The following SYT9 variants were observed in gnomAD, a reference collection of about 807,000 sequenced individuals.
The protein encoded by SYT9 is synaptotagmin 9.
A neutral mutation model predicts 48.4 loss-of-function variants in SYT9; 22 were observed. The ratio of observed to expected loss-of-function variants is 0.45; its 90% CI spans 0.32 to 0.65. SYT9 has a LOEUF of 0.65. Ranked by LOEUF, SYT9 falls within the 30% of genes least tolerant of loss-of-function variation. The probability of loss-of-function intolerance (pLI) is 0.03; values close to 1 mark genes in which losing one functional copy is unlikely to be tolerated. For missense variants in SYT9, 577 were observed against 622.0 expected (o/e 0.93, Z 0.77); for synonymous variants, 265 against 245.0 (o/e 1.08, Z -0.76).
intron 1 of SYT9, among the ~76,000 whole-genome samples, chr11:7,268,189 G>C (rs1006251655): frequency 6.6e-6 from 1 of 151,922 alleles, no homozygotes; most frequent in African/African-American, 2.4e-5. Flanking sequence ...TGCAACAAAA[G>C]TTTTCAGTGA....
chr11:7,458,790 G>T (rs906715529), intron 6 of SYT9, among the ~76,000 whole-genome samples: 1 of 152,192 alleles, frequency 6.6e-6, no homozygotes, highest in African/African-American at 2.4e-5. Flanking sequence ...AGATCAGAAA[G>T]GTAACAGCGG....
chr11:7,314,911 C>G (rs1849212335), intron 3 of SYT9, among the ~76,000 whole-genome samples: 1 of 152,138 alleles, frequency 6.6e-6, no homozygotes, highest in African/African-American at 2.4e-5. Context: ...GAGTCTGGAG[C>G]CTATTTAGTG....
intron 1 of SYT9, among the ~76,000 whole-genome samples, chr11:7,291,152 G>A (rs1054205555): frequency 3.3e-5 from 5 of 152,164 alleles, no homozygotes; most frequent in African/African-American, 4.8e-5. Context: ...GCCTCCTTTT[G>A]GTTGAACTCA....
intron 1 of SYT9, among the ~76,000 whole-genome samples, chr11:7,273,958 T>A (rs1477428263): frequency 2.0e-5 from 3 of 152,246 alleles, no homozygotes; most frequent in Non-Finnish European, 4.4e-5. Context: ...TATGTAGGGC[T>A]TAAAACCTAG....
intron 3 of SYT9, among the ~76,000 whole-genome samples, chr11:7,394,047 G>T (rs2134064935): frequency 6.6e-6 from 1 of 151,122 alleles, no homozygotes; most frequent in East Asian, 2.0e-4. Flanking sequence ...TGCCATGTTT[G>T]TGTGCTGCAC....
In SYT9 at chr11:7,418,921, AT is replaced by A. The variant is rs1244898747; in HGVS notation, c.1337+794del. On this transcript the variant is annotated intron_variant, in intron 5 of 6. Coordinates refer to ENST00000318881, the MANE Select transcript of SYT9 (RefSeq NM_175733.4). ...GGTCTGGACACAATTATTAAAAAAA[AT>A]ATTCTGACTTCTAATATTATTTGTG... is the stretch of plus-strand genomic sequence containing the variant. Among the ~76,000 whole-genome samples the A allele has an allele frequency of 5.3e-5, 8 of 152,202 alleles. No individual in the cohort carries two copies. In the East Asian group the frequency reaches 1.2e-3, roughly 22 times the overall value.
chr11:7,355,539 T>A (rs1385140595), intron 3 of SYT9, among the ~76,000 whole-genome samples: 1 of 152,212 alleles, frequency 6.6e-6, no homozygotes, highest in African/African-American at 2.4e-5. Flanking sequence ...AACAAAAGCA[T>A]GTATGTGATG....
intron 1 of SYT9, among the ~76,000 whole-genome samples, chr11:7,292,635 T>C (rs1487875): frequency 0.61 from 92,315 of 152,108 alleles, 28,525 homozygotes; most frequent in African/African-American, 0.73. Flanking sequence ...CCTACATGTT[T>C]TTGAGTTTCG....
chr11:7,288,757 G>A (rs1015877355), intron 1 of SYT9, among the ~76,000 whole-genome samples: 1 of 152,124 alleles, frequency 6.6e-6, no homozygotes, highest in Non-Finnish European at 1.5e-5. Flanking sequence ...GCTAACCTCT[G>A]TTCTGTCCAT....
chr11:7,257,611 G>C (rs1291173265), intron 1 of SYT9, among the ~76,000 whole-genome samples: 1 of 152,084 alleles, frequency 6.6e-6, no homozygotes, highest in Non-Finnish European at 1.5e-5. Flanking sequence ...AGTCAAAAGA[G>C]AATCAGTCTT....
At chr11:7,365,821 C>T (rs1292219049) in intron 3 of SYT9, among the ~76,000 whole-genome samples, 3 of 152,146 alleles carry the variant, frequency 2.0e-5, no homozygotes, top group South Asian at 2.1e-4. Flanking sequence ...AGGATCGGGT[C>T]GTATTTACTG....
intron 1 of SYT9, among the ~76,000 whole-genome samples, chr11:7,255,386 A>G (rs1294055658): frequency 2.9e-5 from 1 of 34,696 alleles, no homozygotes; most frequent in East Asian, 7.6e-4. Flanking sequence ...AAACCATTAT[A>G]AAGACTTTGG....
At chr11:7,461,694 C>T (rs1252214316) in intron 6 of SYT9, among the ~76,000 whole-genome samples, 28 of 152,184 alleles carry the variant, frequency 1.8e-4, no homozygotes, top group Admixed American at 1.8e-3. Flanking sequence ...TCTTAGGGCT[C>T]AGCACAAATG....
chr11:7,272,607 A>G (rs1472279599), intron 1 of SYT9, among the ~76,000 whole-genome samples: 1 of 152,212 alleles, frequency 6.6e-6, no homozygotes, highest in Non-Finnish European at 1.5e-5. Flanking sequence ...TGAAAAAGAA[A>G]GACATGATCC....
At chr11:7,418,260 G>C in intron 5 of SYT9, 132 bp downstream of exon 5, 1 of 962,034 alleles carries the variant, frequency 1.0e-6, no homozygotes, top group South Asian at 1.6e-5. Context: ...AGCAGTGCAT[G>C]GGAAGCACAT....
At chr11:7,329,608 T>C (rs1849493145) in intron 3 of SYT9, among the ~76,000 whole-genome samples, 1 of 152,172 alleles carries the variant, frequency 6.6e-6, no homozygotes, top group Non-Finnish European at 1.5e-5. Context: ...CTAAAAGTCA[T>C]CCCAATGTCT....
intron 1 of SYT9, among the ~76,000 whole-genome samples, chr11:7,242,834 T>G (rs369713874): frequency 6.6e-6 from 1 of 152,064 alleles, no homozygotes; most frequent in Non-Finnish European, 1.5e-5. Context: ...TCACCTGAGG[T>G]CAGGAGTTCA....
chr11:7,250,239 T>A (rs1007161849), upstream of SYT9, among the ~76,000 whole-genome samples: 4 of 152,268 alleles, frequency 2.6e-5, no homozygotes, highest in African/African-American at 9.6e-5. Context: ...CACTTAATAC[T>A]TGAAATGTTT....
intron 3 of SYT9, among the ~76,000 whole-genome samples, chr11:7,346,357 G>T (rs909549330): frequency 8.5e-5 from 13 of 152,186 alleles, no homozygotes; most frequent in Non-Finnish European, 4.4e-5. Flanking sequence ...GGGTTCCTGT[G>T]GCTGAGACCC....
Sources: allele counts gnomAD v4.1 joint callset (sites outside exome capture counted in the v4.1 genomes callset), GRCh38; gene constraint gnomAD v4.1.1; transcripts MANE v1.5; gene names NCBI Gene and HGNC (gene_info 2026-07-23, HGNC 2026-07-21).